CHODL: variants seen among roughly 807,000 people sequenced by gnomAD.
CHODL encodes the protein chondrolectin.
Under a neutral mutation model 34.5 loss-of-function variants are expected in CHODL, and 29 were observed. The ratio of observed to expected loss-of-function variants is 0.84; its 90% CI spans 0.63 to 1.15. CHODL has a LOEUF of 1.15. CHODL is among the 50% of genes most tolerant of loss of function. The pLI, the probability that CHODL is intolerant of heterozygous loss-of-function variation, is 0.00. For missense variants in CHODL, 332 were observed against 332.5 expected (o/e 1.00, Z 0.01); for synonymous variants, 125 against 116.1 (o/e 1.08, Z -0.49).
chr21:18,138,202 C>T (rs2072757297), intron 2 of CHODL, among the ~76,000 whole-genome samples: 1 of 151,218 alleles, frequency 6.6e-6, no homozygotes. Flanking sequence ...ACTCTATTTT[C>T]CACTGTAAAA....
At chr21:18,179,349 C>T (rs181302248) in intron 2 of CHODL, among the ~76,000 whole-genome samples, 25 of 152,290 alleles carry the variant, frequency 1.6e-4, no homozygotes, top group Admixed American at 1.6e-3. Flanking sequence ...CAGAATACCA[C>T]CTTGAAATCA....
At chr21:17,988,589 CT>C (rs1228498300) in intron 1 of CHODL, among the ~76,000 whole-genome samples, 2 of 109,964 alleles carry the variant, frequency 1.8e-5, no homozygotes, top group Non-Finnish European at 3.6e-5. Flanking sequence ...TGATGTTCCC[CT>C]TCCTGTGTCC....
chr21:18,135,938 C>T (rs2072717398), intron 2 of CHODL, among the ~76,000 whole-genome samples: 1 of 151,734 alleles, frequency 6.6e-6, no homozygotes, highest in Non-Finnish European at 1.5e-5. Flanking sequence ...GAAACCCCGT[C>T]TCTACTAAAA....
chr21:18,257,253 A>G lies in CHODL; in HGVS notation c.547+126A>G, dbSNP rs939428380. The G allele has an allele frequency of 6.2e-6, 5 of 801,642 alleles. No homozygotes were observed. The Admixed American group carries it at 8.6e-5, about 14-fold the overall frequency. The allele number at this position is 801,642 out of a possible 1,614,324, so 49.7% of individuals were successfully genotyped here. A position where few individuals can be genotyped will look rare whatever the true frequency, so the allele number is the denominator to read the frequency against. On this transcript the variant is annotated intron_variant, in intron 3 of 5. Transcript: ENST00000299295. Reference sequence around the variant, plus strand: ...GCTGTGAAATAGAAAATTACCTTGCAGTTTCTCATATCACTCGTGTAATGA... The same window carrying G: ...GCTGTGAAATAGAAAATTACCTTGCGGTTTCTCATATCACTCGTGTAATGA...
At chr21:18,155,294 C>A (rs536967175) in intron 2 of CHODL, among the ~76,000 whole-genome samples, 10 of 152,170 alleles carry the variant, frequency 6.6e-5, no homozygotes, top group African/African-American at 2.2e-4. Context: ...CAGTCCCCAA[C>A]GTTGCCAAGC....
chr21:17,947,369 A>C (rs1360028310), intron 1 of CHODL, among the ~76,000 whole-genome samples: 2 of 152,166 alleles, frequency 1.3e-5, no homozygotes, highest in Non-Finnish European at 2.9e-5. Context: ...AGCTCTAATA[A>C]GGAAGTTTAT....
In CHODL at chr21:18,128,452, A is replaced by G. The variant is rs559704001; in HGVS notation, c.-45+100481A>G. On this transcript the variant is annotated intron_variant, in intron 2 of 6. Coordinates refer to the CHODL transcript ENST00000400127. ...TGGAAGTCAAAGCAAAGGTAACCTC[A>G]AAAGCACAAGACAAAAATGACTCAT... 4.7e-4 allele frequency among the ~76,000 whole-genome samples: 72 copies of G among 152,196 alleles called. 1 individual carries two copies. The South Asian group carries it at 0.013, about 29-fold the overall frequency.
intron 5 of CHODL, 94 bp downstream of exon 5, chr21:18,262,987 T>C (rs2074401314): frequency 2.9e-6 from 2 of 693,668 alleles, no homozygotes; most frequent in Non-Finnish European, 5.0e-6. Flanking sequence ...AATTATATTT[T>C]AATTTTCCTT....
At chr21:18,014,602 C>T (rs998421318) in intron 1 of CHODL, among the ~76,000 whole-genome samples, 3 of 152,158 alleles carry the variant, frequency 2.0e-5, no homozygotes, top group African/African-American at 7.2e-5. Context: ...TCCTTCATGG[C>T]TTGGTGCTGT....
intron 1 of CHODL, among the ~76,000 whole-genome samples, chr21:18,255,355 C>G (rs982265181): frequency 2.6e-5 from 4 of 151,964 alleles, no homozygotes; most frequent in Non-Finnish European, 4.4e-5. Context: ...AAATGTAATA[C>G]TATTACTTTC....
At chr21:17,939,190 G>A (rs1247559699) in intron 1 of CHODL, among the ~76,000 whole-genome samples, 1 of 152,080 alleles carries the variant, frequency 6.6e-6, no homozygotes, top group Non-Finnish European at 1.5e-5. Flanking sequence ...GAGCTTATTT[G>A]TCTTGCTTCA....
At chr21:18,135,415 T>C (rs892510066) in intron 2 of CHODL, among the ~76,000 whole-genome samples, 1 of 152,100 alleles carries the variant, frequency 6.6e-6, no homozygotes, top group Non-Finnish European at 1.5e-5. Context: ...ACAGAATACA[T>C]AAGAACACAG....
intron 2 of CHODL, among the ~76,000 whole-genome samples, chr21:18,102,609 C>T (rs2065229036): frequency 6.6e-6 from 1 of 152,196 alleles, no homozygotes; most frequent in Admixed American, 6.6e-5. Context: ...CAAAAAATCA[C>T]TGGTGAGTAC....
chr21:18,066,429 T>C (rs2064732576), intron 2 of CHODL, among the ~76,000 whole-genome samples: 1 of 152,212 alleles, frequency 6.6e-6, no homozygotes, highest in Non-Finnish European at 1.5e-5. Context: ...CAGGTTTGAA[T>C]GACCGTCTCT....
chr21:18,195,424 C>G (rs1433043688), intron 2 of CHODL, among the ~76,000 whole-genome samples: 1 of 152,158 alleles, frequency 6.6e-6, no homozygotes, highest in African/African-American at 2.4e-5. Flanking sequence ...TCCTTTCTAA[C>G]TGAAACTTTG....
At chr21:18,232,709 T>C (rs1356412249) in intron 2 of CHODL, among the ~76,000 whole-genome samples, 1 of 151,858 alleles carries the variant, frequency 6.6e-6, no homozygotes, top group African/African-American at 2.4e-5. Context: ...ATTGGTTTAG[T>C]CTTGGTGATA....
chr21:18,027,115 G>GAA (rs35428822), intron 1 of CHODL, among the ~76,000 whole-genome samples: 46 of 150,924 alleles, frequency 3.0e-4, no homozygotes, highest in African/African-American at 9.7e-4. Context: ...CTATTACTAT[G>GAA]AAAAAAAAAT....
chr21:18,023,747 A>G lies in CHODL; in HGVS notation c.-144-4125A>G, dbSNP rs192323060. Among the ~76,000 whole-genome samples the G allele has an allele frequency of 2.1e-3, 320 of 152,324 alleles. 1 individual carries two copies. Among genetic ancestry groups the G allele is most frequent in the African/African-American group, 7.0e-3 (293 of 41,574 alleles). On this transcript the variant is annotated intron_variant, in intron 1 of 6. Transcript: ENST00000400127. ...ACCCTTTACCCTGTATATGACCTTA[A>G]TATTTTTGATCTACAAAATGTAAAT... is the stretch of plus-strand genomic sequence containing the variant.
At chr21:18,154,662 G>C (rs2073011489) in intron 2 of CHODL, among the ~76,000 whole-genome samples, 1 of 152,130 alleles carries the variant, frequency 6.6e-6, no homozygotes, top group Non-Finnish European at 1.5e-5. Context: ...GAAATACTCA[G>C]ATTAACATTT....
Sources: allele counts gnomAD v4.1 joint callset (sites outside exome capture counted in the v4.1 genomes callset), GRCh38; gene constraint gnomAD v4.1.1; transcripts MANE v1.5; gene names NCBI Gene and HGNC (gene_info 2026-07-23, HGNC 2026-07-21).